Variants in MYH2 observed in about 807,000 individuals in gnomAD.
MYH2 encodes myosin-2.
In MYH2, 139 loss-of-function variants were observed where a neutral mutation model predicts 228.1. The ratio of observed to expected loss-of-function variants is 0.61; its 90% CI spans 0.53 to 0.70. MYH2 has a LOEUF of 0.70. Among genes scored for constraint, MYH2 ranks in the 30% least tolerant of loss-of-function variants. The pLI, the probability that MYH2 is intolerant of heterozygous loss-of-function variation, is 0.00. For missense variants in MYH2, 1,809 were observed against 2,357.5 expected, an observed-to-expected ratio of 0.77 and a Z score of 4.82; for synonymous variants, 796 against 871.1, an observed-to-expected ratio of 0.91 and a Z score of 1.52.
At chr17:10,532,998 A>T (rs1384658016) in intron 21 of MYH2, among the ~76,000 whole-genome samples, 1 of 152,216 alleles carries the variant, frequency 6.6e-6, no homozygotes, top group African/African-American at 2.4e-5. Flanking sequence ...AATTCATATT[A>T]GAAACAGGTG....
At position 10,545,363 on chromosome 17, in the gene MYH2, T is replaced by G; in HGVS notation, c.488A>C (p.Tyr163Ser). ...TCACTCACCAGTCAGCATGAACTGA[T>G]AGGCGTTGTCAGAGATGGAGAAGAT... ...PHIFSISDNA[Y>S]QFMLTDRENQ... Residue 163 changes from tyrosine (Y) to serine (S), a missense_variant, in exon 5 of 40, where the codon TAT (tyrosine) becomes TCT (serine). By Grantham distance (144) the Tyr-to-Ser change is moderately radical. Around this residue, in one of 9 missense-constraint regions of MYH2, gnomAD observed 373 missense variants for 620.4 expected, o/e 0.60. Coordinates refer to ENST00000245503, the MANE Select transcript of MYH2 (RefSeq NM_017534.6). 6.2e-7 allele frequency: 1 copy of G among 1,613,772 alleles called. No homozygotes were observed. The highest frequency in any genetic ancestry group is 8.5e-7 in the Non-Finnish European group (1 of 1,179,922).
rs754181495 is a variant in MYH2, at chr17:10,533,308, C to T, written c.2418G>A (p.Glu806=). 2.5e-6 allele frequency: 4 copies of T among 1,614,176 alleles called. No individual in the cohort carries two copies. The Admixed American group carries it at 5.0e-5, about 20-fold the overall frequency. The change falls in exon 21 of 40, where the codon GAG becomes GAA. Residue 806 remains glutamate, a synonymous_variant. Coordinates refer to ENST00000245503, the MANE Select transcript of MYH2 (RefSeq NM_017534.6). The stretch of plus-strand genomic sequence containing the variant: ...ACCTTCTCTCCACCATCCTCTGGTA[C>T]TCCACTCTTGCCAAGAACCCTCTGC... ...ARCRGFLARV[E]YQRMVERREA...
In MYH2 at chr17:10,537,653, T is replaced by C. The variant is rs751044161; in HGVS notation, c.1587+12A>G. The stretch of plus-strand genomic sequence containing the variant: ...TTGCCGCAAAATATGGTTTCAGAAA[T>C]GCAAAACCAACCTTCTCGATGAGCT... On this transcript the variant is annotated intron_variant, in intron 15 of 39. Transcript: ENST00000245503. This position sits in a 1 kb window ranked among gnomAD's most constrained non-coding sequence, Gnocchi z 4.0. 3 of 1,614,154 alleles carry C rather than the reference T, an allele frequency of 1.9e-6. No individual in the cohort carries two copies. Among genetic ancestry groups the C allele is most frequent in the Non-Finnish European group, 8.5e-7 (1 of 1,180,024 alleles).
Position 10,521,186 on chromosome 17 carries a change from A to C in MYH2, c.*94T>G. Reference sequence around the variant, plus strand: ...CTACCCTATGCTTTATTTCCTTTGCAACAGGGTAGAATACACAATAATTAC... The same window carrying C: ...CTACCCTATGCTTTATTTCCTTTGCCACAGGGTAGAATACACAATAATTAC... On this transcript the variant is annotated 3_prime_UTR_variant, in exon 40 of 40. Coordinates refer to ENST00000245503, the MANE Select transcript of MYH2 (RefSeq NM_017534.6). 1 of 1,445,174 alleles carries C rather than the reference A, an allele frequency of 6.9e-7. No homozygotes were observed. Among genetic ancestry groups the C allele is most frequent in the South Asian group, 1.1e-5 (1 of 87,506 alleles). 89.5% of individuals were successfully genotyped at this position (1,445,174 alleles called of 1,614,324 possible).
Position 10,529,380 on chromosome 17 carries a change from CATTATGG to C in MYH2, c.3212_3218del (p.Ser1071TrpfsTer97), listed in dbSNP as rs2142299843. The C allele has an allele frequency of 1.9e-6, 3 of 1,614,106 alleles. No homozygotes were observed. The East Asian group carries it at 6.7e-5, about 36-fold the overall frequency. On this transcript the variant is annotated frameshift_variant, in exon 25 of 40. Coordinates refer to ENST00000245503, the MANE Select transcript of MYH2 (RefSeq NM_017534.6). LOFTEE classifies it high-confidence loss of function. ...GTTGCTGTTTCTCATTTTCAATGTCCATTATGGATTCTTGGGCCAACTTCAAGTCACC... is the reference window on the plus strand; with the variant it reads ...GTTGCTGTTTCTCATTTTCAATGTCCATTCTTGGGCCAACTTCAAGTCACC...
intron 2 of MYH2, 134 bp from the exon 3 acceptor site, chr17:10,548,074 A>C: frequency 1.3e-6 from 1 of 762,244 alleles, no homozygotes; most frequent in Non-Finnish European, 2.2e-6. Context: ...TACTATAGTT[A>C]CTGAGACAAA....
intron 19 of MYH2, 112 bp downstream of exon 19, chr17:10,534,961 C>G: frequency 7.6e-7 from 1 of 1,314,090 alleles, no homozygotes; most frequent in South Asian, 1.2e-5. Context: ...TTTTTTACTT[C>G]TTTTTGTGAC....
At position 10,537,546 on chromosome 17, in the gene MYH2, A is replaced by G; in HGVS notation, c.1588-4T>C. 2 of 1,614,196 alleles carry G rather than the reference A, an allele frequency of 1.2e-6. No individual in the cohort carries two copies. The highest frequency in any genetic ancestry group is 1.7e-6 in the Non-Finnish European group (2 of 1,180,030). On this transcript the variant is annotated splice_polypyrimidine_tract_variant and splice_region_variant and intron_variant, in intron 15 of 39. Coordinates refer to ENST00000245503, the MANE Select transcript of MYH2 (RefSeq NM_017534.6). This position sits in a 1 kb window ranked among gnomAD's most constrained non-coding sequence, Gnocchi z 4.0. ...GGATGGAGAAGATGCCCATAGGCTAAAAAGCAGACCACAACACAAAATTGT... is the reference window on the plus strand; with the variant it reads ...GGATGGAGAAGATGCCCATAGGCTAGAAAGCAGACCACAACACAAAATTGT...
At chr17:10,522,567 T>C (rs1052014434) in intron 39 of MYH2, among the ~76,000 whole-genome samples, 4 of 152,026 alleles carry the variant, frequency 2.6e-5, no homozygotes, top group Non-Finnish European at 4.4e-5. Flanking sequence ...TTATTTATAA[T>C]TTATTTATTG....
In MYH2 at chr17:10,541,418, C is replaced by A. The variant is rs1490432795; in HGVS notation, c.905-721G>T. Among the ~76,000 whole-genome samples, 6 of 152,254 alleles carry A rather than the reference C, an allele frequency of 3.9e-5. No individual in the cohort carries two copies. In the East Asian group the frequency reaches 1.2e-3, roughly 29 times the overall value. The stretch of plus-strand genomic sequence containing the variant: ...CCTGGTCTCCTTTAGCGCTCCCAGG[C>A]CTATTAGGACAAGGAAATCCCGCCT... On this transcript the variant is annotated intron_variant, in intron 10 of 39. Transcript: ENST00000245503.
rs976140443 is a variant in MYH2, at chr17:10,531,557, A to G, written c.2697+76T>C. The G allele has an allele frequency of 1.8e-5, 29 of 1,601,902 alleles. No homozygotes were observed. In the Admixed American group the frequency reaches 2.3e-4, roughly 13 times the overall value. ...TGAGTGTCTCCCTTGCAATTACCCA[A>G]CTCATGGCCCACAATGGCCAAAGTT... On this transcript the variant is annotated intron_variant, in intron 22 of 39. Transcript: ENST00000245503.
rs2073502635 is a variant in MYH2 at position 10,537,903 on chromosome 17, C to T, written c.1417-68G>A. On this transcript the variant is annotated intron_variant, in intron 14 of 39. Transcript: ENST00000245503. This position sits in a 1 kb window ranked among gnomAD's most constrained non-coding sequence, Gnocchi z 4.0. Reference sequence around the variant, plus strand: ...GTATTTTTTAAAATACAGAACTTTTCCATTTTAAAAATATGTGTCCAAGAG... The same window carrying T: ...GTATTTTTTAAAATACAGAACTTTTTCATTTTAAAAATATGTGTCCAAGAG... 3 of 1,612,162 alleles carry T rather than the reference C, an allele frequency of 1.9e-6. No homozygotes were observed. The highest frequency in any genetic ancestry group is 1.3e-5 in the African/African-American group (1 of 74,778).
At chr17:10,531,044 A>G (rs566238725) in intron 22 of MYH2, among the ~76,000 whole-genome samples, 18 of 152,334 alleles carry the variant, frequency 1.2e-4, no homozygotes, top group Non-Finnish European at 2.4e-4. Context: ...GGCTGGATGG[A>G]AGAAGAGACA....
At position 10,521,330 on chromosome 17, in the gene MYH2, G is replaced by C; in HGVS notation, c.5776C>G (p.Leu1926Val). 1 of 1,614,152 alleles carries C rather than the reference G, an allele frequency of 6.2e-7. No individual in the cohort carries two copies. Among genetic ancestry groups the C allele is most frequent in the Non-Finnish European group, 8.5e-7 (1 of 1,180,024 alleles). ...TGAACCTCCCGGCTCTTCACCCGCA[G>C]TTTGTTCACCTGGGACTCAGCAATG... ...ADIAESQVNK[L>V]RVKSREVHTK... Residue 1926 changes from leucine (L) to valine (V), a missense_variant, in exon 40 of 40, where the codon CTG becomes GTG. By Grantham distance (32) the Leu-to-Val change is conservative (BLOSUM62 1). This residue lies in a region of MYH2 where 278 missense variants were observed against 308.5 expected (regional missense o/e 0.90). Transcript: ENST00000245503.
Position 10,535,271 on chromosome 17 carries a change from T to C in MYH2, c.2062+7A>G. ...ATCCTTTGCACTTTCATTATGGAAT[T>C]TCTTACCAGGAGTTTTTGTCTCATT... On this transcript the variant is annotated splice_region_variant and intron_variant, in intron 18 of 39. Transcript: ENST00000245503. 6.2e-7 allele frequency: 1 copy of C among 1,614,060 alleles called. No individual in the cohort carries two copies. The highest frequency in any genetic ancestry group is 8.5e-7 in the Non-Finnish European group (1 of 1,179,968).
rs775146540 is a variant in MYH2 at position 10,528,992 on chromosome 17, C to G, written c.3442G>C (p.Glu1148Gln). 3.1e-6 allele frequency: 5 copies of G among 1,614,092 alleles called. No individual in the cohort carries two copies. Among genetic ancestry groups the G allele is most frequent in the Non-Finnish European group, 3.4e-6 (4 of 1,180,042 alleles). ...AEKQRSDLSRELEEISERLEE... is the reference protein window; with the variant it reads ...AEKQRSDLSRQLEEISERLEE... The stretch of plus-strand genomic sequence containing the variant: ...AGCCTCTCGCTGATCTCCTCCAGCT[C>G]CCGGGAGAGGTCAGAGCGCTGCTTC... The change falls in exon 27 of 40, where the codon GAG (glutamate) becomes CAG (glutamine). Residue 1148 changes from glutamate (E) to glutamine (Q), a missense_variant. Around this residue, in one of 9 missense-constraint regions of MYH2, gnomAD observed 636 missense variants for 729.9 expected, o/e 0.87. Transcript: ENST00000245503.
intron 14 of MYH2, among the ~76,000 whole-genome samples, chr17:10,538,052 C>A (rs910728309): frequency 6.6e-6 from 1 of 152,102 alleles, no homozygotes; most frequent in Non-Finnish European, 1.5e-5. Flanking sequence ...GTAGAAAATC[C>A]TACCATTATG....
At chr17:10,544,195 A>AT in intron 5 of MYH2, 68 bp from the exon 6 acceptor site, 1 of 1,566,844 alleles carries the variant, frequency 6.4e-7, no homozygotes, top group African/African-American at 1.4e-5. Flanking sequence ...GTAAAGTAAA[A>AT]TGGAATGAAC....
chr17:10,528,975 G>T lies in MYH2; in HGVS notation c.3459C>A (p.Ser1153Arg), dbSNP rs142095822. 1 of 1,614,000 alleles carries T rather than the reference G, an allele frequency of 6.2e-7. No homozygotes were observed. The highest frequency in any genetic ancestry group is 1.3e-5 in the African/African-American group (1 of 74,924). Residue 1153 changes from serine (S) to arginine (R), a missense_variant, in exon 27 of 40, where the codon AGC becomes AGA. This residue lies in a region of MYH2 where 636 missense variants were observed against 729.9 expected (regional missense o/e 0.87). Coordinates refer to ENST00000245503, the MANE Select transcript of MYH2 (RefSeq NM_017534.6). ...CCCCACCGGCTTCTTCCAGCCTCTC[G>T]CTGATCTCCTCCAGCTCCCGGGAGA... ...SDLSRELEEISERLEEAGGAT... is the reference protein window; with the variant it reads ...SDLSRELEEIRERLEEAGGAT...
Sources: allele counts gnomAD v4.1 joint callset (sites outside exome capture counted in the v4.1 genomes callset), GRCh38; gene constraint gnomAD v4.1.1; regional missense constraint gnomAD v4.1.1; non-coding constraint Gnocchi (gnomAD v3.1); transcripts MANE v1.5; gene names NCBI Gene and HGNC (gene_info 2026-07-23, HGNC 2026-07-21).